Variants in RETREG1 observed in about 807,000 individuals in gnomAD.
RETREG1 encodes reticulophagy regulator 1, also known as family with sequence similarity 134 member B.
A neutral mutation model predicts 54.8 loss-of-function variants in RETREG1; 44 were observed. The observed-to-expected ratio is 0.80, with a 90% CI of 0.63 to 1.03. The LOEUF is 1.03. Ranked by LOEUF, RETREG1 falls within the 50% of genes least tolerant of loss-of-function variation. The pLI is 0.00. For synonymous variants in RETREG1, 217 were observed against 238.5 expected (o/e 0.91, Z 0.83); for missense variants, 554 against 605.1 (o/e 0.92, Z 0.89).
At chr5:16,478,153 G>A (rs1738622750) in intron 6 of RETREG1, 55 bp from the exon 7 acceptor site, 5 of 1,133,618 alleles carry the variant, frequency 4.4e-6, no homozygotes, top group Non-Finnish European at 6.7e-6. Flanking sequence ...CAGACATAGT[G>A]CATTTATTTC....
chr5:16,580,961 A>C (rs1196223895), intron 1 of RETREG1, among the ~76,000 whole-genome samples: 2 of 152,144 alleles, frequency 1.3e-5, no homozygotes, highest in Non-Finnish European at 2.9e-5. Flanking sequence ...GTGCCTAGTC[A>C]CCCGCTGAAT....
rs186551622 is a variant in RETREG1, at chr5:16,562,200, A to C, written c.458+3563T>G. On this transcript the variant is annotated intron_variant, in intron 3 of 8. Transcript: ENST00000306320. ...CGTGGTGGCACATGCTTATAATCCCAGCTACTCGGGAGGCTGAGGCAGGAG... is the reference window on the plus strand; with the variant it reads ...CGTGGTGGCACATGCTTATAATCCCCGCTACTCGGGAGGCTGAGGCAGGAG... Among the ~76,000 whole-genome samples the C allele has an allele frequency of 7.0e-3, 1,060 of 152,302 alleles. 8 individuals are homozygous for C. The highest frequency in any genetic ancestry group is 0.024 in the African/African-American group (988 of 41,556).
Position 16,474,878 on chromosome 5 carries a change from C to T in RETREG1, c.1357G>A (p.Asp453Asn), listed in dbSNP as rs778114904. Reference sequence around the variant, plus strand: ...GACTGGTCAAGTAGTTCAAAGTCATCACCTTCTTCAGTGTCTGTGTCCTCT... The same window carrying T: ...GACTGGTCAAGTAGTTCAAAGTCATTACCTTCTTCAGTGTCTGTGTCCTCT... ...PEEDTDTEEG[D>N]DFELLDQSEL... Residue 453 changes from aspartate (D) to asparagine (N), a missense_variant, in exon 9 of 9, where the codon GAT becomes AAT. Transcript: ENST00000306320. 1 of 1,613,922 alleles carries T rather than the reference C, an allele frequency of 6.2e-7. No homozygotes were observed. The highest frequency in any genetic ancestry group is 2.2e-5 in the East Asian group (1 of 44,876).
chr5:16,616,813 C>A lies in RETREG1; in HGVS notation c.159G>T (p.Ala53=). Residue 53 remains alanine, a synonymous_variant, in exon 1 of 9, where the codon GCG becomes GCT. Coordinates refer to ENST00000306320, the MANE Select transcript of RETREG1 (RefSeq NM_001034850.3). ...CCGCGGCCTCCTCCACCTGCAACCC[C>A]GCGCCCTCCGCCGCCCCAGCTTCCT... ...EAQEAGAAEG[A]GLQVEEAAGR... is the part of the protein sequence containing the mutation. 1 of 1,518,510 alleles carries A rather than the reference C, an allele frequency of 6.6e-7. No homozygotes were observed. Among genetic ancestry groups the A allele is most frequent in the Non-Finnish European group, 8.8e-7 (1 of 1,140,430 alleles). 94.1% of individuals were successfully genotyped at this position (1,518,510 alleles called of 1,614,324 possible). A position where few individuals can be genotyped will look rare whatever the true frequency, so the allele number is the denominator to read the frequency against.
intron 8 of RETREG1, among the ~76,000 whole-genome samples, chr5:16,476,896 G>A (rs1367060529): frequency 6.6e-6 from 1 of 151,982 alleles, no homozygotes; most frequent in Non-Finnish European, 1.5e-5. Flanking sequence ...ATGTACCCCT[G>A]AACTTAAAAG....
chr5:16,534,109 C>T (rs551845500), intron 3 of RETREG1, among the ~76,000 whole-genome samples: 113 of 150,338 alleles, frequency 7.5e-4, no homozygotes, highest in Non-Finnish European at 1.4e-3. Context: ...AAAAAAAAAA[C>T]ACATTTTCCC....
intron 3 of RETREG1, chr5:16,509,050 T>TC: frequency 2.0e-6 from 2 of 993,522 alleles, no homozygotes; most frequent in Non-Finnish European, 1.2e-6. Flanking sequence ...TTTTTTTTTT[T>TC]TTTTCTGGCA....
Position 16,481,065 on chromosome 5 carries a change from G to A in RETREG1, c.614C>T (p.Thr205Ile), listed in dbSNP as rs1579584383. 1.2e-6 allele frequency: 2 copies of A among 1,611,814 alleles called. No individual in the cohort carries two copies. Among genetic ancestry groups the A allele is most frequent in the South Asian group, 2.2e-5 (2 of 91,046 alleles). The change falls in exon 5 of 9, where the codon ACA (threonine) becomes ATA (isoleucine). Residue 205 changes from threonine to isoleucine, a missense_variant. Around this residue, in one of 4 missense-constraint regions of RETREG1, gnomAD observed 347 missense variants for 412.3 expected, o/e 0.84. Transcript: ENST00000306320. ...KFCLLVCSVCTFFTILGSYIP... is the reference protein window; with the variant it reads ...KFCLLVCSVCIFFTILGSYIP... ...GTAACTTCCCAAGATCGTAAAAAAT[G>A]TGCACACACTACAGACCAGGAGACA...
chr5:16,616,930 G>T lies in RETREG1; in HGVS notation c.42C>A (p.Cys14Ter). The stretch of plus-strand genomic sequence containing the variant: ...CCTGCTCCTCGGCGGCAGGAGCCGG[G>T]CATCCCTCCTCGGCGTGCTCCGGAG... ...PAPPEHAEEG[C>*]PAPAAEEQAP... The change falls in exon 1 of 9, where the codon TGC (cysteine) becomes TGA (stop). Residue 14 changes from cysteine to a stop codon, truncating the protein, a stop_gained. Coordinates refer to ENST00000306320, the MANE Select transcript of RETREG1 (RefSeq NM_001034850.3). LOFTEE classifies it high-confidence loss of function. The T allele has an allele frequency of 6.8e-7, 1 of 1,475,396 alleles. No homozygotes were observed. Among genetic ancestry groups the T allele is most frequent in the East Asian group, 2.9e-5 (1 of 34,358 alleles). 91.4% of individuals were successfully genotyped at this position (1,475,396 alleles called of 1,614,324 possible).
chr5:16,512,379 T>C (rs1193523194), intron 3 of RETREG1, among the ~76,000 whole-genome samples: 3 of 152,160 alleles, frequency 2.0e-5, no homozygotes, highest in Non-Finnish European at 4.4e-5. Flanking sequence ...AGGGACCAGA[T>C]ACCTCCACAT....
chr5:16,494,671 G>A (rs1310667990), intron 3 of RETREG1, among the ~76,000 whole-genome samples: 1 of 152,202 alleles, frequency 6.6e-6, no homozygotes, highest in Non-Finnish European at 1.5e-5. Flanking sequence ...TGTAGAGCCT[G>A]CAGAACCATG....
chr5:16,504,281 C>T (rs911200362), intron 3 of RETREG1, among the ~76,000 whole-genome samples: 10 of 152,198 alleles, frequency 6.6e-5, no homozygotes, highest in Non-Finnish European at 1.3e-4. Flanking sequence ...ATATGTACCA[C>T]ATTTTCTTTA....
At position 16,510,818 on chromosome 5, in the gene RETREG1, C is replaced by CAAAA. The variant is rs57713373; in HGVS notation, c.459-27350_459-27347dup. On this transcript the variant is annotated intron_variant, in intron 3 of 8. Coordinates refer to ENST00000306320, the MANE Select transcript of RETREG1 (RefSeq NM_001034850.3). ...AAAACAACAAGAACAACAACAACAA[C>CAAAA]AAAAAAAAAAAAAAAAAAAAAAAAC... Among the ~76,000 whole-genome samples the CAAAA allele has an allele frequency of 4.6e-4, 35 of 75,616 alleles. No individual in the cohort carries two copies. The South Asian group carries it at 4.9e-3, about 11-fold the overall frequency. The allele number at this position is 75,616 out of a possible 152,430, so 49.6% of individuals were successfully genotyped here. A position where few individuals can be genotyped will look rare whatever the true frequency, so the allele number is the denominator to read the frequency against.
rs1449714897 is a variant in RETREG1 at position 16,616,795 on chromosome 5, C to G, written c.177G>C (p.Glu59Asp). 6.5e-7 allele frequency: 1 copy of G among 1,526,974 alleles called. No individual in the cohort carries two copies. Among genetic ancestry groups the G allele is most frequent in the Admixed American group, 2.0e-5 (1 of 50,488 alleles). 94.6% of individuals were successfully genotyped at this position (1,526,974 alleles called of 1,614,324 possible). ...CCGCGGCCGCCGCCCGGCCCGCGGC[C>G]TCCTCCACCTGCAACCCCGCGCCCT... ...AAEGAGLQVEEAAGRAAAAVT... is the reference protein window; with the variant it reads ...AAEGAGLQVEDAAGRAAAAVT... The change falls in exon 1 of 9, where the codon GAG becomes GAC. Residue 59 changes from glutamate to aspartate, a missense_variant. Physicochemically the swap from Glu to Asp is conservative, Grantham distance 45. Transcript: ENST00000306320.
chr5:16,557,863 G>T (rs1438712705), intron 3 of RETREG1, among the ~76,000 whole-genome samples: 1 of 152,046 alleles, frequency 6.6e-6, no homozygotes, highest in East Asian at 1.9e-4. Context: ...GCTATGGTTT[G>T]AAAGTCCCCT....
intron 3 of RETREG1, among the ~76,000 whole-genome samples, chr5:16,510,832 A>AC (rs1215906774): frequency 2.5e-4 from 38 of 151,440 alleles, no homozygotes; most frequent in African/African-American, 7.7e-4. Flanking sequence ...AAAAAAAAAA[A>AC]AAAAAAAAAA....
intron 1 of RETREG1, among the ~76,000 whole-genome samples, chr5:16,589,669 A>G (rs1425404051): frequency 6.6e-6 from 1 of 152,164 alleles, no homozygotes; most frequent in Non-Finnish European, 1.5e-5. Context: ...CCCAGGCCCA[A>G]TGCAAGTCTT....
chr5:16,579,553 T>C (rs1004482081), intron 1 of RETREG1, among the ~76,000 whole-genome samples: 2 of 152,194 alleles, frequency 1.3e-5, no homozygotes, highest in African/African-American at 2.4e-5. Context: ...ATATCCACCA[T>C]TATAGTATCA....
intron 3 of RETREG1, among the ~76,000 whole-genome samples, chr5:16,510,460 G>A (rs1295594976): frequency 6.6e-6 from 1 of 152,028 alleles, no homozygotes; most frequent in African/African-American, 2.4e-5. Flanking sequence ...TTGAAATGCT[G>A]AAAATATTAT....
Sources: allele counts gnomAD v4.1 joint callset (sites outside exome capture counted in the v4.1 genomes callset), GRCh38; gene constraint gnomAD v4.1.1; regional missense constraint gnomAD v4.1.1; transcripts MANE v1.5; gene names NCBI Gene and HGNC (gene_info 2026-07-23, HGNC 2026-07-21).